C8B: variants seen among roughly 807,000 people sequenced by gnomAD.
The protein encoded by C8B is complement component C8 beta chain.
A neutral mutation model predicts 64.6 loss-of-function variants in C8B; 67 were observed. That is an observed-to-expected ratio of 1.04 (90% CI 0.85 to 1.27). The LOEUF is 1.27. C8B is among the 50% of genes most tolerant of loss of function. C8B has a pLI of 0.00. For missense variants in C8B, 790 were observed against 725.2 expected (o/e 1.09, Z -1.03); for synonymous variants, 284 against 257.7 (o/e 1.10, Z -0.98).
chr1:56,933,830 C>G (rs1644737894), intron 9 of C8B, among the ~76,000 whole-genome samples: 1 of 152,168 alleles, frequency 6.6e-6, no homozygotes, highest in Non-Finnish European at 1.5e-5. Flanking sequence ...GATACAGGCA[C>G]CAGCAGAAAC....
chr1:56,965,131 C>T (rs1014697295), intron 1 of C8B, among the ~76,000 whole-genome samples: 1 of 152,184 alleles, frequency 6.6e-6, no homozygotes, highest in Non-Finnish European at 1.5e-5. Context: ...AATTACAGTC[C>T]CTCTTCCCAC....
chr1:56,943,172 A>G (rs1484888726), intron 8 of C8B, among the ~76,000 whole-genome samples: 1 of 152,202 alleles, frequency 6.6e-6, no homozygotes, highest in Admixed American at 6.5e-5. Flanking sequence ...TGGTACAGCC[A>G]TTTTAGAAAA....
intron 11 of C8B, among the ~76,000 whole-genome samples, chr1:56,931,311 G>A (rs1169944233): frequency 6.6e-6 from 1 of 152,116 alleles, no homozygotes; most frequent in Non-Finnish European, 1.5e-5. Flanking sequence ...GAGGTAAATG[G>A]GACATGGTCC....
intron 2 of C8B, chr1:56,959,563 G>C: frequency 1.3e-6 from 2 of 1,534,212 alleles, no homozygotes; most frequent in Non-Finnish European, 1.7e-6. Flanking sequence ...CCCAGAGAGA[G>C]TGAAGGCCAG....
intron 9 of C8B, among the ~76,000 whole-genome samples, chr1:56,937,449 C>A (rs976294518): frequency 1.3e-5 from 2 of 152,180 alleles, no homozygotes; most frequent in Non-Finnish European, 2.9e-5. Flanking sequence ...CCTATGCTAT[C>A]CTGATCTCTG....
At chr1:56,964,001 G>T (rs1645216100) in intron 1 of C8B, 3 of 985,224 alleles carry the variant, frequency 3.0e-6, no homozygotes, top group Non-Finnish European at 3.6e-6. Context: ...TACCTGTCGT[G>T]TTCAAGACAG....
At chr1:56,959,563 G>A in intron 2 of C8B, 1 of 1,534,212 alleles carries the variant, frequency 6.5e-7, no homozygotes, top group Non-Finnish European at 8.7e-7. Flanking sequence ...CCCAGAGAGA[G>A]TGAAGGCCAG....
chr1:56,937,223 C>T lies in C8B; in HGVS notation c.1398+3626G>A, dbSNP rs118065733. Reference sequence around the variant, plus strand: ...AGTGTCACTTCAAGGTTGAGGCTTTCCAAACAGAGTGAGGTGACTTGTCCC... The same window carrying T: ...AGTGTCACTTCAAGGTTGAGGCTTTTCAAACAGAGTGAGGTGACTTGTCCC... On this transcript the variant is annotated intron_variant, in intron 9 of 11. Coordinates refer to ENST00000371237, the MANE Select transcript of C8B (RefSeq NM_000066.4). 4.6e-5 allele frequency among the ~76,000 whole-genome samples: 7 copies of T among 152,286 alleles called. No homozygotes were observed. The East Asian group carries it at 1.4e-3, about 29-fold the overall frequency.
chr1:56,959,488 T>A (rs1557743349), intron 2 of C8B: 1 of 1,184,774 alleles, frequency 8.4e-7, no homozygotes, highest in Non-Finnish European at 1.2e-6. Flanking sequence ...AAATTGTGAG[T>A]AGGTGTTCAC....
At chr1:56,934,195 A>G (rs1644743816) in intron 9 of C8B, among the ~76,000 whole-genome samples, 1 of 148,806 alleles carries the variant, frequency 6.7e-6, no homozygotes, top group Non-Finnish European at 1.5e-5. Flanking sequence ...TTAGATTGTA[A>G]GCTCCCAGAG....
intron 8 of C8B, among the ~76,000 whole-genome samples, chr1:56,942,570 T>C (rs1644879462): frequency 6.6e-6 from 1 of 152,034 alleles, no homozygotes; most frequent in South Asian, 2.1e-4. Context: ...CCAGGCGTGG[T>C]GGCACATGCC....
chr1:56,961,525 T>C (rs534879054), intron 1 of C8B, among the ~76,000 whole-genome samples: 14 of 152,312 alleles, frequency 9.2e-5, no homozygotes, highest in Non-Finnish European at 1.9e-4. Flanking sequence ...CTCTAGAGTA[T>C]ATACGGGTTT....
At position 56,933,335 on chromosome 1, in the gene C8B, C is replaced by G; in HGVS notation, c.1552G>C (p.Gly518Arg). The change falls in exon 10 of 12, where the codon GGA becomes CGA. Residue 518 changes from glycine (G) to arginine (R), a missense_variant and splice_region_variant. Coordinates refer to ENST00000371237, the MANE Select transcript of C8B (RefSeq NM_000066.4). Reference protein sequence around the residue: ...CQGNGVPVLKGSRCDCICPVG... With the variant: ...CQGNGVPVLKRSRCDCICPVG... ...GACACCAGCTGCCTGAAAGTGGTAC[C>G]TTTCAGGACAGGGACTCCATTTCCT... 1 of 1,613,544 alleles carries G rather than the reference C, an allele frequency of 6.2e-7. No homozygotes were observed. The highest frequency in any genetic ancestry group is 2.2e-5 in the East Asian group (1 of 44,870).
chr1:56,940,750 G>A (rs1644839823), intron 9 of C8B, 99 bp downstream of exon 9: 2 of 1,370,134 alleles, frequency 1.5e-6, no homozygotes, highest in African/African-American at 2.8e-5. Context: ...TTAGGGCCTG[G>A]GTCTTAGTGA....
chr1:56,931,788 G>C (rs374172465), intron 11 of C8B, 22 bp downstream of exon 11: 74 of 1,560,922 alleles, frequency 4.7e-5, no homozygotes, highest in Non-Finnish European at 6.1e-5. Context: ...CCTCCCCAGA[G>C]TTCCTTTTCC....
At chr1:56,963,045 G>C (rs535623319) in intron 1 of C8B, among the ~76,000 whole-genome samples, 1 of 152,010 alleles carries the variant, frequency 6.6e-6, no homozygotes, top group South Asian at 2.1e-4. Context: ...AATGTTTTGC[G>C]ATTGCAAATA....
intron 1 of C8B, among the ~76,000 whole-genome samples, chr1:56,962,518 C>T (rs1253229740): frequency 6.6e-6 from 1 of 152,122 alleles, no homozygotes; most frequent in Non-Finnish European, 1.5e-5. Context: ...ACCTGATGGA[C>T]ATTTTGACCA....
At chr1:56,948,065 T>C (rs1644968747) in intron 6 of C8B, among the ~76,000 whole-genome samples, 1 of 152,228 alleles carries the variant, frequency 6.6e-6, no homozygotes, top group South Asian at 2.1e-4. Flanking sequence ...TACAGATCCC[T>C]AGTCTATCTC....
At chr1:56,932,760 T>C (rs548621202) in intron 10 of C8B, among the ~76,000 whole-genome samples, 3 of 152,304 alleles carry the variant, frequency 2.0e-5, no homozygotes, top group East Asian at 3.9e-4. Context: ...GCTAACTTCA[T>C]CCACGTGGGC....
Sources: gnomAD v4.1 joint callset for allele counts (sites outside exome capture counted in the v4.1 genomes callset) on GRCh38, gnomAD v4.1.1 for gene constraint, MANE v1.5 for transcripts, NCBI Gene and HGNC (gene_info 2026-07-23, HGNC 2026-07-21) for gene names.